CALCR: variants seen among roughly 807,000 people sequenced by gnomAD.
CALCR encodes calcitonin receptor.
In CALCR, 47 loss-of-function variants were observed where a neutral mutation model predicts 59.5. That is an observed-to-expected ratio of 0.79 (90% CI 0.63 to 1.01). CALCR has a LOEUF of 1.01. Ranked by LOEUF, CALCR falls within the 50% of genes least tolerant of loss-of-function variation. The probability of loss-of-function intolerance (pLI) is 0.00; values close to 1 mark genes in which losing one functional copy is unlikely to be tolerated. For missense variants in CALCR, 566 were observed against 597.1 expected, an observed-to-expected ratio of 0.95 and a Z score of 0.54; for synonymous variants, 213 against 211.3, an observed-to-expected ratio of 1.01 and a Z score of -0.07.
At chr7:93,496,995 A>G (rs907426709) in intron 2 of CALCR, among the ~76,000 whole-genome samples, 5 of 151,540 alleles carry the variant, frequency 3.3e-5, no homozygotes. Flanking sequence ...TATGGCCATA[A>G]ACCCAATTTA....
chr7:93,472,397 G>T lies in CALCR; in HGVS notation c.407C>A (p.Ala136Asp). 6.2e-7 allele frequency: 1 copy of T among 1,604,328 alleles called. No individual in the cohort carries two copies. Among genetic ancestry groups the T allele is most frequent in the Non-Finnish European group, 8.5e-7 (1 of 1,172,578 alleles). ...TACCTTCAGTTTCTCAGGAGTGAAA[G>T]CATTGCACATAGTATAGTTGGACCA... The part of the protein sequence containing the change: ...RTWSNYTMCN[A>D]FTPEKLKNAY... Residue 136 changes from alanine (A) to aspartate (D), a missense_variant, in exon 6 of 14, where the codon GCT becomes GAT. By Grantham distance (126) the Ala-to-Asp change is moderately radical. Coordinates refer to ENST00000426151, the MANE Select transcript of CALCR (RefSeq NM_001742.4).
chr7:93,443,637 G>C lies in CALCR; in HGVS notation c.769C>G (p.Gln257Glu), dbSNP rs1347287648. 1 of 1,613,414 alleles carries C rather than the reference G, an allele frequency of 6.2e-7. No individual in the cohort carries two copies. ...AAGAGATAATACCACCGCAAGCGTT[G>C]CTTCTCAGTAAACACAGCCACGACA... is the stretch of plus-strand genomic sequence containing the variant. Reference protein sequence around the residue: ...LIVVAVFTEKQRLRWYYLLGW... With the variant: ...LIVVAVFTEKERLRWYYLLGW... The change falls in exon 9 of 14, where the codon CAA (glutamine) becomes GAA (glutamate). Residue 257 changes from glutamine to glutamate, a missense_variant. Gln to Glu is a conservative substitution (Grantham distance 29). Transcript: ENST00000426151.
At chr7:93,460,030 A>C (rs930686416) in intron 8 of CALCR, among the ~76,000 whole-genome samples, 22 of 152,152 alleles carry the variant, frequency 1.4e-4, no homozygotes, top group African/African-American at 5.1e-4. Flanking sequence ...GATCATATTT[A>C]TATGGTTCAT....
At chr7:93,456,065 G>A (rs992136739) in intron 8 of CALCR, among the ~76,000 whole-genome samples, 3 of 152,120 alleles carry the variant, frequency 2.0e-5, no homozygotes, top group Admixed American at 6.6e-5. Flanking sequence ...ATTGGAAAAC[G>A]ACTGTGTTAA....
At chr7:93,464,663 G>C (rs1800405008) in intron 7 of CALCR, among the ~76,000 whole-genome samples, 1 of 151,766 alleles carries the variant, frequency 6.6e-6, no homozygotes, top group African/African-American at 2.4e-5. Context: ...CAAAATTCTT[G>C]CTTTTCCTAT....
intron 2 of CALCR, among the ~76,000 whole-genome samples, chr7:93,489,554 A>T (rs1801027829): frequency 6.6e-6 from 1 of 151,872 alleles, no homozygotes; most frequent in Non-Finnish European, 1.5e-5. Context: ...GAAGCACCAA[A>T]TAGACACAAT....
intron 8 of CALCR, among the ~76,000 whole-genome samples, chr7:93,460,409 A>G (rs1044956696): frequency 2.0e-5 from 3 of 151,204 alleles, no homozygotes; most frequent in Non-Finnish European, 4.4e-5. Context: ...CAAAAAAATT[A>G]GCCGGGCATG....
intron 12 of CALCR, among the ~76,000 whole-genome samples, chr7:93,435,538 G>A (rs1200033597): frequency 3.3e-5 from 5 of 152,126 alleles, no homozygotes; most frequent in Non-Finnish European, 2.9e-5. Context: ...GGGCTTGTCA[G>A]GCGTGCGCAG....
intron 5 of CALCR, among the ~76,000 whole-genome samples, chr7:93,473,046 G>A (rs893605199): frequency 1.9e-4 from 29 of 151,696 alleles, no homozygotes; most frequent in African/African-American, 7.0e-4. Flanking sequence ...ATATCAAGAG[G>A]CCATTTTTCT....
chr7:93,521,914 A>G (rs563549252), intron 2 of CALCR, among the ~76,000 whole-genome samples: 28 of 152,288 alleles, frequency 1.8e-4, no homozygotes, highest in South Asian at 1.0e-3. Context: ...CTCTGGCTTT[A>G]CAGTATCATT....
intron 2 of CALCR, among the ~76,000 whole-genome samples, chr7:93,501,985 T>C (rs1409203579): frequency 6.6e-6 from 1 of 152,124 alleles, no homozygotes; most frequent in East Asian, 1.9e-4. Context: ...GAGAAAATTC[T>C]GATATTCTTT....
chr7:93,459,246 T>TGATTTACAGTTGATTACAGTTGATTA (rs1800269330), intron 8 of CALCR, among the ~76,000 whole-genome samples: 1 of 152,154 alleles, frequency 6.6e-6, no homozygotes, highest in Non-Finnish European at 1.5e-5. Context: ...TACTAAGCCC[T>TGATTTACAGTTGATTACAGTTGATTA]CACTGATTTA....
At chr7:93,496,408 C>A (rs1014445467) in intron 2 of CALCR, among the ~76,000 whole-genome samples, 2 of 151,432 alleles carry the variant, frequency 1.3e-5, no homozygotes, top group African/African-American at 2.4e-5. Context: ...TATAGAATAT[C>A]CTTTGGAAAA....
At chr7:93,552,104 G>T (rs1471875464) in intron 2 of CALCR, among the ~76,000 whole-genome samples, 1 of 152,128 alleles carries the variant, frequency 6.6e-6, no homozygotes, top group African/African-American at 2.4e-5. Flanking sequence ...TTAATGCAGA[G>T]AAAAGCTTGA....
intron 2 of CALCR, among the ~76,000 whole-genome samples, chr7:93,572,114 T>C (rs1336445385): frequency 6.6e-6 from 1 of 152,186 alleles, no homozygotes; most frequent in Non-Finnish European, 1.5e-5. Context: ...AAAATGTTTT[T>C]CCGAGAAGCT....
rs1562973659 is a variant in CALCR, at chr7:93,437,925, T to C, written c.930+135A>G. The C allele has an allele frequency of 1.2e-5, 10 of 829,174 alleles. No homozygotes were observed. The South Asian group carries it at 1.3e-4, about 10-fold the overall frequency. 51.4% of individuals were successfully genotyped at this position (829,174 alleles called of 1,614,324 possible). A position where few individuals can be genotyped will look rare whatever the true frequency, so the allele number is the denominator to read the frequency against. ...TTTGAAGAGTCTAAAATCAAATTGC[T>C]TTTTTTTACTACAGAATACCATCAA... On this transcript the variant is annotated intron_variant, in intron 11 of 13. Coordinates refer to ENST00000426151, the MANE Select transcript of CALCR (RefSeq NM_001742.4).
At chr7:93,483,362 G>T (rs1262097430) in intron 3 of CALCR, among the ~76,000 whole-genome samples, 1 of 151,222 alleles carries the variant, frequency 6.6e-6, no homozygotes, top group Non-Finnish European at 1.5e-5. Flanking sequence ...ATCCAAGATT[G>T]GTTCAATCTA....
chr7:93,495,816 A>C, intron 2 of CALCR: 2 of 1,146,362 alleles, frequency 1.7e-6, no homozygotes, highest in Non-Finnish European at 2.5e-6. Context: ...GATTTAGAAC[A>C]TGCAAATGAA....
At chr7:93,460,337 C>T (rs924284446) in intron 8 of CALCR, among the ~76,000 whole-genome samples, 8 of 151,616 alleles carry the variant, frequency 5.3e-5, no homozygotes, top group East Asian at 1.9e-4. Flanking sequence ...AGGCAGATCA[C>T]GAAGTCAGGA....
Sources: allele counts gnomAD v4.1 joint callset (sites outside exome capture counted in the v4.1 genomes callset), GRCh38; gene constraint gnomAD v4.1.1; transcripts MANE v1.5; gene names NCBI Gene and HGNC (gene_info 2026-07-23, HGNC 2026-07-21).